Variants in RASGRP3 observed in about 807,000 individuals in gnomAD.
RASGRP3 encodes the protein ras guanyl-releasing protein 3.
In RASGRP3, 54 loss-of-function variants were observed where a neutral mutation model predicts 82.7. That is an observed-to-expected ratio of 0.65 (90% CI 0.52 to 0.82). RASGRP3 has a LOEUF of 0.82. Among genes scored for constraint, RASGRP3 ranks in the 40% least tolerant of loss-of-function variants. The pLI, the probability that RASGRP3 is intolerant of heterozygous loss-of-function variation, is 0.00. For synonymous variants in RASGRP3, 309 were observed against 300.5 expected (o/e 1.03, Z -0.29); for missense variants, 861 against 828.9 (o/e 1.04, Z -0.48).
chr2:33,440,076 GAC>G (rs1219277337), intron 1 of RASGRP3, among the ~76,000 whole-genome samples: 3 of 152,188 alleles, frequency 2.0e-5, no homozygotes, highest in Non-Finnish European at 4.4e-5. Flanking sequence ...TGGCCAAAGA[GAC>G]AGCAGCAGGT....
At chr2:33,519,692 TTAA>T in intron 4 of RASGRP3, among the ~76,000 whole-genome samples, 1 of 152,304 alleles carries the variant, frequency 6.6e-6, no homozygotes, top group Admixed American at 6.5e-5. Flanking sequence ...CAGTTATTGG[TTAA>T]TAAGTGTGGA....
chr2:33,484,762 A>T (rs183709816), intron 1 of RASGRP3, among the ~76,000 whole-genome samples: 1 of 152,342 alleles, frequency 6.6e-6, no homozygotes, highest in Non-Finnish European at 1.5e-5. Context: ...CTCTTGCAGA[A>T]GAGAAAAATA....
At chr2:33,474,042 G>C (rs1558415766), upstream of RASGRP3, among the ~76,000 whole-genome samples, 2 of 152,094 alleles carry the variant, frequency 1.3e-5, no homozygotes, top group Non-Finnish European at 2.9e-5. Flanking sequence ...TCTGACAGGA[G>C]GCAGAGCTCA....
intron 12 of RASGRP3, 166 bp downstream of exon 12, chr2:33,539,376 G>A (rs1172065413): frequency 4.7e-5 from 27 of 570,560 alleles, no homozygotes; most frequent in Non-Finnish European, 8.6e-5. Flanking sequence ...GTCCTGGGGA[G>A]AGTCGATCAG....
intron 12 of RASGRP3, among the ~76,000 whole-genome samples, chr2:33,542,984 C>T (rs1011863573): frequency 2.6e-5 from 4 of 152,072 alleles, no homozygotes; most frequent in South Asian, 2.1e-4. Flanking sequence ...TGAGCCACCG[C>T]GCCCAGCCGA....
At chr2:33,463,898 C>A (rs1021217501) in intron 2 of RASGRP3, among the ~76,000 whole-genome samples, 2 of 151,664 alleles carry the variant, frequency 1.3e-5, no homozygotes. Flanking sequence ...CCGTGCCCAG[C>A]CCTTTCATTC....
At chr2:33,539,425 A>G (rs1674006926) in intron 12 of RASGRP3, 2 of 450,332 alleles carry the variant, frequency 4.4e-6, no homozygotes, top group Non-Finnish European at 8.0e-6. Flanking sequence ...TTGCCCAGAT[A>G]CTCTCAGCTA....
Position 33,562,716 on chromosome 2 carries a change from A to T in RASGRP3, c.2065-13A>T. 7 of 1,613,378 alleles carry T rather than the reference A, an allele frequency of 4.3e-6. No homozygotes were observed. Among genetic ancestry groups the T allele is most frequent in the Non-Finnish European group, 5.9e-6 (7 of 1,179,368 alleles). On this transcript the variant is annotated splice_polypyrimidine_tract_variant and intron_variant, in intron 17 of 17. Transcript: ENST00000403687. ...AGATCCAGCCATGCAATAGGTTCCA[A>T]TTTGTGTTTCAGGATGGCTGACTTC...
At chr2:33,515,324 C>T (rs1671348422) in intron 3 of RASGRP3, 118 bp downstream of exon 3, 1 of 1,026,722 alleles carries the variant, frequency 9.7e-7, no homozygotes, top group Non-Finnish European at 1.5e-6. Context: ...TATTTAAGGC[C>T]TTTCGGATGG....
At chr2:33,538,527 T>TA (rs1411690858) in intron 11 of RASGRP3, among the ~76,000 whole-genome samples, 2 of 150,002 alleles carry the variant, frequency 1.3e-5, no homozygotes, top group Non-Finnish European at 3.0e-5. Flanking sequence ...AATAAATAAA[T>TA]AATAAAAATA....
intron 1 of RASGRP3, among the ~76,000 whole-genome samples, chr2:33,507,355 A>G (rs996187582): frequency 2.6e-5 from 4 of 152,142 alleles, no homozygotes; most frequent in African/African-American, 9.7e-5. Flanking sequence ...AGATCACACC[A>G]CTGCACTCCA....
upstream of RASGRP3, among the ~76,000 whole-genome samples, chr2:33,474,911 G>A (rs971315888): frequency 7.9e-5 from 12 of 152,186 alleles, no homozygotes; most frequent in Non-Finnish European, 1.6e-4. Flanking sequence ...AGAGTTTCTA[G>A]AAGTCCCTGT....
intron 12 of RASGRP3, chr2:33,539,526 C>A: frequency 5.9e-6 from 1 of 169,084 alleles, no homozygotes; most frequent in Non-Finnish European, 1.2e-5. Flanking sequence ...ATGAAAAACC[C>A]ACATAGGTCC....
At chr2:33,524,923 CAAA>C (rs930686692) in intron 9 of RASGRP3, among the ~76,000 whole-genome samples, 1 of 150,846 alleles carries the variant, frequency 6.6e-6, no homozygotes, top group Admixed American at 6.6e-5. Flanking sequence ...ACTAAAAATA[CAAA>C]AAAAATTAGC....
intron 3 of RASGRP3, 125 bp downstream of exon 3, chr2:33,515,331 A>T (rs1310762374): frequency 1.1e-6 from 1 of 941,076 alleles, no homozygotes; most frequent in Non-Finnish European, 1.7e-6. Flanking sequence ...GGCCTTTCGG[A>T]TGGACCCGGG....
chr2:33,450,697 CT>C (rs1412268938), intron 2 of RASGRP3, among the ~76,000 whole-genome samples: 1 of 151,480 alleles, frequency 6.6e-6, no homozygotes, highest in Non-Finnish European at 1.5e-5. Context: ...GTAGGTATCT[CT>C]TTGACATGCT....
intron 10 of RASGRP3, chr2:33,533,656 GCTTGAACC>G (rs1392523953): frequency 6.6e-6 from 1 of 152,282 alleles, no homozygotes; most frequent in African/African-American, 2.4e-5. Flanking sequence ...CAGGCTGCAT[GCTTGAACC>G]CAGCCCTGCC....
intron 11 of RASGRP3, among the ~76,000 whole-genome samples, chr2:33,536,939 G>A (rs976426320): frequency 1.3e-5 from 2 of 152,188 alleles, no homozygotes; most frequent in African/African-American, 4.8e-5. Context: ...TTTAGCAGTT[G>A]CTGTCCATGG....
intron 1 of RASGRP3, among the ~76,000 whole-genome samples, chr2:33,478,305 C>T (rs140460897): frequency 3.0e-4 from 45 of 152,272 alleles, no homozygotes; most frequent in Non-Finnish European, 5.6e-4. Flanking sequence ...TTCTCTGTTC[C>T]TCGGTATGGC....
Sources: allele counts gnomAD v4.1 joint callset (sites outside exome capture counted in the v4.1 genomes callset), GRCh38; gene constraint gnomAD v4.1.1; transcripts MANE v1.5; gene names NCBI Gene and HGNC (gene_info 2026-07-23, HGNC 2026-07-21).